LUZP2: variants seen among roughly 807,000 people sequenced by gnomAD.
The protein encoded by LUZP2 is leucine zipper protein 2.
LUZP2 carries 52 observed loss-of-function variants against 51.6 expected under a neutral mutation model. The observed-to-expected ratio is 1.01, with a 90% confidence interval of 0.81 to 1.27. The LOEUF is 1.27. LUZP2 is among the 50% of genes most tolerant of loss of function. The pLI is 0.00. For synonymous variants in LUZP2, 154 were observed against 137.3 expected (o/e 1.12, Z -0.85); for missense variants, 436 against 395.4 (o/e 1.10, Z -0.87).
intron 1 of LUZP2, among the ~76,000 whole-genome samples, chr11:24,629,293 AC>A (rs1854793217): frequency 6.6e-6 from 1 of 151,756 alleles, no homozygotes; most frequent in Non-Finnish European, 1.5e-5. Context: ...TCATATGTAC[AC>A]ATTATTTAGC....
chr11:24,524,427 A>T (rs1850731484), intron 1 of LUZP2, among the ~76,000 whole-genome samples: 1 of 151,726 alleles, frequency 6.6e-6, no homozygotes, highest in African/African-American at 2.4e-5. Flanking sequence ...CTTTACAAAG[A>T]TTCCATTTTA....
intron 5 of LUZP2, among the ~76,000 whole-genome samples, chr11:24,860,909 T>A (rs1851721693): frequency 6.6e-6 from 1 of 152,234 alleles, no homozygotes; most frequent in South Asian, 2.1e-4. Context: ...CTCCTCCAAA[T>A]GATCGCAACA....
intron 7 of LUZP2, among the ~76,000 whole-genome samples, chr11:24,945,520 T>G (rs1055021819): frequency 4.2e-5 from 6 of 143,368 alleles, no homozygotes; most frequent in Non-Finnish European, 7.6e-5. Context: ...TTTGCCTGTT[T>G]TTTTTTTTTT....
At chr11:24,777,870 A>G (rs12275925) in intron 5 of LUZP2, among the ~76,000 whole-genome samples, 6 of 152,096 alleles carry the variant, frequency 3.9e-5, no homozygotes, top group Non-Finnish European at 7.4e-5. Flanking sequence ...TACATTTTAA[A>G]GTATATAATA....
intron 4 of LUZP2, among the ~76,000 whole-genome samples, chr11:24,758,324 C>CGT (rs34105960): frequency 0.23 from 34,478 of 148,058 alleles, 4,009 homozygotes; most frequent in East Asian, 0.41. Flanking sequence ...GAATGACTTG[C>CGT]GTGTGTGTGT....
intron 4 of LUZP2, among the ~76,000 whole-genome samples, chr11:24,758,759 A>G (rs1244711497): frequency 6.6e-6 from 1 of 152,034 alleles, no homozygotes; most frequent in Non-Finnish European, 1.5e-5. Flanking sequence ...TCAAATTACT[A>G]TGGATTTTTT....
chr11:24,967,033 A>G (rs1855604697), intron 7 of LUZP2, among the ~76,000 whole-genome samples: 1 of 151,550 alleles, frequency 6.6e-6, no homozygotes, highest in African/African-American at 2.4e-5. Context: ...TCAACTGACT[A>G]TATATTTGGG....
intron 1 of LUZP2, among the ~76,000 whole-genome samples, chr11:24,546,258 T>C (rs971963584): frequency 6.6e-5 from 10 of 152,106 alleles, no homozygotes; most frequent in Non-Finnish European, 1.3e-4. Flanking sequence ...CTCTTCCTAT[T>C]TGGATGCCCT....
At chr11:24,890,815 A>G in intron 5 of LUZP2, 1 of 687,056 alleles carries the variant, frequency 1.5e-6, no homozygotes, top group Non-Finnish European at 1.8e-6. Context: ...TTATATGAAT[A>G]TGCTAACAGA....
intron 1 of LUZP2, among the ~76,000 whole-genome samples, chr11:24,636,019 G>T (rs952572335): frequency 6.6e-6 from 1 of 152,056 alleles, no homozygotes; most frequent in Non-Finnish European, 1.5e-5. Flanking sequence ...ATCTACTCTG[G>T]AACTTCTGAT....
At chr11:24,751,113 A>G (rs770372314) in intron 4 of LUZP2, among the ~76,000 whole-genome samples, 27 of 152,192 alleles carry the variant, frequency 1.8e-4, no homozygotes, top group Non-Finnish European at 3.4e-4. Flanking sequence ...TTAAATGCAT[A>G]TTTATATTGT....
At chr11:24,720,854 C>G (rs1424066226) in intron 1 of LUZP2, among the ~76,000 whole-genome samples, 1 of 152,182 alleles carries the variant, frequency 6.6e-6, no homozygotes, top group Non-Finnish European at 1.5e-5. Flanking sequence ...CGCCCGCCAC[C>G]ACGTCCGGCT....
intron 5 of LUZP2, among the ~76,000 whole-genome samples, chr11:24,774,436 A>AAT (rs1848852996): frequency 7.5e-6 from 1 of 132,696 alleles, no homozygotes; most frequent in South Asian, 2.3e-4. Context: ...CTGTAGGGAG[A>AAT]ATATATATAT....
At chr11:24,638,430 T>G (rs1855175730) in intron 1 of LUZP2, among the ~76,000 whole-genome samples, 1 of 151,624 alleles carries the variant, frequency 6.6e-6, no homozygotes, top group Non-Finnish European at 1.5e-5. Flanking sequence ...ATCCAAATTC[T>G]AGGACACTTT....
intron 6 of LUZP2, among the ~76,000 whole-genome samples, chr11:24,910,247 A>G (rs1842552548): frequency 6.6e-6 from 1 of 152,194 alleles, no homozygotes; most frequent in African/African-American, 2.4e-5. Context: ...TGACAATGCA[A>G]TAAAAAAAAA....
intron 5 of LUZP2, chr11:24,892,739 C>G (rs1313729262): frequency 6.6e-6 from 1 of 152,398 alleles, no homozygotes; most frequent in African/African-American, 2.4e-5. Flanking sequence ...ATTATTTTAA[C>G]TAACATTTTT....
At chr11:25,023,212 C>T (rs546214716) in intron 9 of LUZP2, among the ~76,000 whole-genome samples, 2 of 152,182 alleles carry the variant, frequency 1.3e-5, no homozygotes, top group African/African-American at 4.8e-5. Context: ...GGAATAGTTT[C>T]AGAAGGAATG....
At chr11:24,574,410 C>CTT (rs1852570178) in intron 1 of LUZP2, among the ~76,000 whole-genome samples, 1 of 139,470 alleles carries the variant, frequency 7.2e-6, no homozygotes, top group Non-Finnish European at 1.5e-5. Flanking sequence ...CTCTCTCTCT[C>CTT]TGGTGTGTAT....
intron 5 of LUZP2, among the ~76,000 whole-genome samples, chr11:24,788,044 G>C (rs967518183): frequency 6.6e-6 from 1 of 151,412 alleles, no homozygotes; most frequent in Non-Finnish European, 1.5e-5. Flanking sequence ...TAAACATGCT[G>C]ACCCATGTCT....
Sources: allele counts gnomAD v4.1 joint callset (sites outside exome capture counted in the v4.1 genomes callset), GRCh38; gene constraint gnomAD v4.1.1; transcripts MANE v1.5; gene names NCBI Gene and HGNC (gene_info 2026-07-23, HGNC 2026-07-21).